Variants in SV2B observed in about 807,000 individuals in gnomAD.
The protein encoded by SV2B is solute carrier family 22 member B2.
Under a neutral mutation model 73.9 loss-of-function variants are expected in SV2B, and 41 were observed. The observed-to-expected ratio is 0.56, with a 90% CI of 0.43 to 0.72. The LOEUF (loss-of-function observed/expected upper bound fraction) is 0.72. Among genes scored for constraint, SV2B ranks in the 30% least tolerant of loss-of-function variants. The pLI is 0.00. For missense variants in SV2B, 764 were observed against 857.8 expected, an observed-to-expected ratio of 0.89 and a Z score of 1.37; for synonymous variants, 314 against 314.2, an observed-to-expected ratio of 1.00 and a Z score of 0.01.
rs1342781560 is a variant in SV2B, at chr15:91,197,016, AT to A, written c.-391-28853del. ...TATACCCACTTCCAGGGCCACGGGG[AT>A]TTTGCTCCTCTGTTGCTCCGCCTGC... On this transcript the variant is annotated intron_variant, in intron 1 of 12. Coordinates refer to ENST00000394232, the MANE Select transcript of SV2B (RefSeq NM_001323032.3). This position sits in a 1 kb window ranked among gnomAD's most constrained non-coding sequence, Gnocchi z 4.9. Among the ~76,000 whole-genome samples the A allele has an allele frequency of 1.8e-4, 27 of 152,222 alleles. No individual in the cohort carries two copies.
chr15:91,268,696 A>C lies in SV2B; in HGVS notation c.1373+91A>C. On this transcript the variant is annotated intron_variant, in intron 9 of 12. Coordinates refer to ENST00000394232, the MANE Select transcript of SV2B (RefSeq NM_001323032.3). This position sits in a 1 kb window ranked among gnomAD's most constrained non-coding sequence, Gnocchi z 4.4. ...GAGCCGGAGGGAAGATAAGAATCAAATATGGCCGGGAATGAGCGCCAAGGC... is the reference window on the plus strand; with the variant it reads ...GAGCCGGAGGGAAGATAAGAATCAACTATGGCCGGGAATGAGCGCCAAGGC... 6.7e-7 allele frequency: 1 copy of C among 1,503,596 alleles called. No homozygotes were observed. Among genetic ancestry groups the C allele is most frequent in the South Asian group, 1.3e-5 (1 of 77,194 alleles). The allele number at this position is 1,503,596 out of a possible 1,614,324, so 93.1% of individuals were successfully genotyped here. A position where few individuals can be genotyped will look rare whatever the true frequency, so the allele number is the denominator to read the frequency against.
rs16945545 is a variant in SV2B at position 91,302,466 on chromosome 15, C to T, written c.*9914C>T. 0.022 allele frequency among the ~76,000 whole-genome samples: 3,292 copies of T among 152,054 alleles called. 103 individuals carry two copies. Among genetic ancestry groups the T allele is most frequent in the African/African-American group, 0.073 (3,021 of 41,480 alleles). On this transcript the variant is annotated 3_prime_UTR_variant, in exon 13 of 13. Transcript: ENST00000394232. ...TTTGCTAACTGGTATGGAAGCATTTCGGTATTTTAACAAGTATGAAAGTAG... is the reference window on the plus strand; with the variant it reads ...TTTGCTAACTGGTATGGAAGCATTTTGGTATTTTAACAAGTATGAAAGTAG...
At chr15:91,207,626 C>A (rs551878447) in intron 1 of SV2B, among the ~76,000 whole-genome samples, 6 of 152,200 alleles carry the variant, frequency 3.9e-5, no homozygotes, top group South Asian at 2.1e-4. Flanking sequence ...ATGGCTGACA[C>A]CCCATAACCA....
In SV2B at chr15:91,110,410, G is replaced by A. The variant is rs1429345797; in HGVS notation, c.-392+10047G>A. Among the ~76,000 whole-genome samples, 1 of 152,180 alleles carries A rather than the reference G, an allele frequency of 6.6e-6. No individual in the cohort carries two copies. Among genetic ancestry groups the A allele is most frequent in the East Asian group, 1.9e-4 (1 of 5,194 alleles). On this transcript the variant is annotated intron_variant, in intron 1 of 12. Coordinates refer to ENST00000394232, the MANE Select transcript of SV2B (RefSeq NM_001323032.3). The surrounding 1 kb of genome is among the most constrained non-coding windows in gnomAD (Gnocchi z 5.4). ...ACAACTAGTTCTCCCAAGCAGGTGAGAGCCTGGTTAGGCCCCTCAACAGCC... is the reference window on the plus strand; with the variant it reads ...ACAACTAGTTCTCCCAAGCAGGTGAAAGCCTGGTTAGGCCCCTCAACAGCC...
chr15:91,192,386 C>T (rs947432900), intron 1 of SV2B, among the ~76,000 whole-genome samples: 3 of 152,196 alleles, frequency 2.0e-5, no homozygotes, highest in African/African-American at 7.2e-5. Context: ...GTTCCTTTCT[C>T]TAACTCTTTG....
intron 1 of SV2B, among the ~76,000 whole-genome samples, chr15:91,148,418 T>G (rs962128741): frequency 1.3e-5 from 2 of 152,092 alleles, no homozygotes; most frequent in East Asian, 3.9e-4. Context: ...CCAGCCTCAA[T>G]GTGGGGAGAC....
At chr15:91,270,993 G>A (rs1390952451) in intron 9 of SV2B, among the ~76,000 whole-genome samples, 2 of 151,934 alleles carry the variant, frequency 1.3e-5, no homozygotes, top group Non-Finnish European at 2.9e-5. Context: ...GGTGAGTCCT[G>A]TGGATGATGG....
chr15:91,191,055 TGGTGTTTC>T (rs2044992513), intron 1 of SV2B, among the ~76,000 whole-genome samples: 1 of 144,774 alleles, frequency 6.9e-6, no homozygotes, highest in African/African-American at 2.6e-5. Flanking sequence ...GTGGTTTTTT[TGGTGTTTC>T]TTTTTTTTTT....
intron 1 of SV2B, among the ~76,000 whole-genome samples, chr15:91,175,744 A>G (rs2044282024): frequency 6.6e-6 from 1 of 151,684 alleles, no homozygotes; most frequent in South Asian, 2.1e-4. Flanking sequence ...TCTATTATAG[A>G]TCTAATCTAA....
chr15:91,217,570 TAAAAA>T (rs1296155045), intron 1 of SV2B, among the ~76,000 whole-genome samples: 1 of 152,002 alleles, frequency 6.6e-6, no homozygotes, highest in Non-Finnish European at 1.5e-5. Context: ...ATAATAATAA[TAAAAA>T]AGAATAAACA....
rs2047765525 is a variant in SV2B at position 91,258,105 on chromosome 15, C to T, written c.785-316C>T. 1.3e-5 allele frequency among the ~76,000 whole-genome samples: 2 copies of T among 152,190 alleles called. No individual in the cohort carries two copies. Among genetic ancestry groups the T allele is most frequent in the South Asian group, 2.1e-4 (1 of 4,832 alleles). ...ACGGGCTATTGTTTCTGTTTGTACT[C>T]TTATCCGAGGCTCTGTAAATGTCAG... On this transcript the variant is annotated intron_variant, in intron 4 of 12. Transcript: ENST00000394232. This position sits in a 1 kb window ranked among gnomAD's most constrained non-coding sequence, Gnocchi z 4.7.
chr15:91,102,043 C>T (rs1054033667), intron 1 of SV2B: 2 of 152,088 alleles, frequency 1.3e-5, no homozygotes, highest in African/African-American at 4.8e-5. Flanking sequence ...CAGCCCAGTT[C>T]AAAAGGAAAA....
intron 9 of SV2B, among the ~76,000 whole-genome samples, chr15:91,278,463 G>T (rs1202998402): frequency 2.0e-5 from 3 of 151,794 alleles, no homozygotes; most frequent in African/African-American, 7.3e-5. Flanking sequence ...GGATCATGAG[G>T]TCAGGAGATC....
At position 91,268,559 on chromosome 15, in the gene SV2B, A is replaced by G. The variant is rs750726094; in HGVS notation, c.1327A>G (p.Thr443Ala). Residue 443 changes from threonine (T) to alanine (A), a missense_variant, in exon 9 of 13, where the codon ACG becomes GCG. Transcript: ENST00000394232. The surrounding 1 kb of genome is among the most constrained non-coding windows in gnomAD (Gnocchi z 4.4). The part of the protein sequence containing the change: ...EHVYGATINF[T>A]MENQIHQHGK... ...TGTGTACGGCGCCACAATCAACTTC[A>G]CGATGGAAAATCAGATCCACCAACA... The G allele has an allele frequency of 6.2e-7, 1 of 1,613,924 alleles. No individual in the cohort carries two copies.
chr15:91,194,506 G>A (rs1377835041), intron 1 of SV2B, among the ~76,000 whole-genome samples: 5 of 152,192 alleles, frequency 3.3e-5, no homozygotes, highest in African/African-American at 9.6e-5. Flanking sequence ...TGGATTTGCA[G>A]AGTCTTAGAT....
At chr15:91,142,259 A>G (rs532544991) in intron 1 of SV2B, among the ~76,000 whole-genome samples, 2 of 152,034 alleles carry the variant, frequency 1.3e-5, no homozygotes, top group Non-Finnish European at 2.9e-5. Flanking sequence ...GTTCACTTCA[A>G]ATGAGGAACA....
chr15:91,228,836 T>C (rs1188006522), intron 2 of SV2B, among the ~76,000 whole-genome samples: 2 of 152,188 alleles, frequency 1.3e-5, no homozygotes, highest in African/African-American at 4.8e-5. Context: ...TCTAAATGGA[T>C]CCAGGGGGCT....
rs2041705579 is a variant in SV2B, at chr15:91,100,968, A to G, written c.-392+605A>G. ...GATGGGCTAGCAAATGCGTTTAGCC[A>G]GGGAGGAGCAAGGCACCGCTGTGTC... is the stretch of plus-strand genomic sequence containing the variant. On this transcript the variant is annotated intron_variant, in intron 1 of 12. Coordinates refer to ENST00000394232, the MANE Select transcript of SV2B (RefSeq NM_001323032.3). The surrounding 1 kb of genome is among the most constrained non-coding windows in gnomAD (Gnocchi z 6.4). 6.6e-6 allele frequency among the ~76,000 whole-genome samples: 1 copy of G among 152,218 alleles called. No individual in the cohort carries two copies. The highest frequency in any genetic ancestry group is 1.5e-5 in the Non-Finnish European group (1 of 68,034).
intron 9 of SV2B, among the ~76,000 whole-genome samples, chr15:91,274,956 A>C (rs985962347): frequency 6.6e-6 from 1 of 152,072 alleles, no homozygotes; most frequent in African/African-American, 2.4e-5. Flanking sequence ...AATCTCCAGC[A>C]TCTTTCTGAT....
Sources: allele counts gnomAD v4.1 joint callset (sites outside exome capture counted in the v4.1 genomes callset), GRCh38; gene constraint gnomAD v4.1.1; non-coding constraint Gnocchi (gnomAD v3.1); transcripts MANE v1.5; gene names NCBI Gene and HGNC (gene_info 2026-07-23, HGNC 2026-07-21).